Variants in MED13L observed in about 807,000 individuals in gnomAD.
MED13L encodes the protein mediator complex subunit 13L.
In MED13L, 7 loss-of-function variants were observed where a neutral mutation model predicts 220.9. That is an observed-to-expected ratio of 0.03 (90% CI 0.02 to 0.06). The LOEUF (loss-of-function observed/expected upper bound fraction) is 0.06. Ranked by LOEUF, MED13L falls within the 10% of genes least tolerant of loss-of-function variation. The pLI, the probability that MED13L is intolerant of heterozygous loss-of-function variation, is 1.00. For synonymous variants in MED13L, 1,011 were observed against 1,015.2 expected (o/e 1.00, Z 0.08); for missense variants, 1,965 against 2,760.5 (o/e 0.71, Z 6.46).
At chr12:116,149,709 T>C (rs777270058) in intron 2 of MED13L, among the ~76,000 whole-genome samples, 1 of 152,158 alleles carries the variant, frequency 6.6e-6, no homozygotes, top group East Asian at 1.9e-4. Flanking sequence ...AAGACGCTGA[T>C]ACAGATGACC....
At chr12:116,175,377 C>A (rs1030100277) in intron 2 of MED13L, among the ~76,000 whole-genome samples, 7 of 151,994 alleles carry the variant, frequency 4.6e-5, no homozygotes, top group Non-Finnish European at 1.0e-4. Flanking sequence ...CTTCCCTGAC[C>A]CTAAAAACAT....
rs1875598407 is a variant in MED13L, at chr12:115,959,095, AATGCATATTTAAGGGAAATATT to A, written c.*2149_*2170del. 1 of 152,616 alleles carries A rather than the reference AATGCATATTTAAGGGAAATATT, an allele frequency of 6.6e-6. No individual in the cohort carries two copies. The highest frequency in any genetic ancestry group is 1.5e-5 in the Non-Finnish European group (1 of 68,028). 9.5% of individuals were successfully genotyped at this position (152,616 alleles called of 1,614,324 possible). ...TCAGTAAAAAACTCACAAGTAAAAT[AATGCATATTTAAGGGAAATATT>A]ATACAGACTTTTTCACACAGAAGTA... On this transcript the variant is annotated 3_prime_UTR_variant, in exon 31 of 31. Transcript: ENST00000281928.
intron 2 of MED13L, among the ~76,000 whole-genome samples, chr12:116,130,978 A>G (rs1040992818): frequency 6.6e-6 from 1 of 152,236 alleles, no homozygotes; most frequent in Admixed American, 6.5e-5. Context: ...GCTTTGAACA[A>G]TGTATGTTTT....
intron 1 of MED13L, among the ~76,000 whole-genome samples, chr12:116,256,368 T>TA (rs1319932296): frequency 4.6e-5 from 7 of 151,732 alleles, no homozygotes; most frequent in African/African-American, 1.7e-4. Flanking sequence ...TTCCATTTAT[T>TA]AAAAATTCTA....
intron 2 of MED13L, among the ~76,000 whole-genome samples, chr12:116,187,871 CTTTTAT>C (rs1565919177): frequency 2.8e-5 from 4 of 144,800 alleles, no homozygotes; most frequent in African/African-American, 1.0e-4. Context: ...TTTTCTTTTT[CTTTTAT>C]AAGTTAAAAA....
intron 2 of MED13L, among the ~76,000 whole-genome samples, chr12:116,223,445 C>T (rs1172263726): frequency 2.0e-5 from 3 of 152,134 alleles, no homozygotes; most frequent in African/African-American, 4.8e-5. Context: ...CGATGGATCA[C>T]GCTTGTAATC....
chr12:115,966,017 C>A, intron 29 of MED13L, 65 bp downstream of exon 29: 1 of 1,579,548 alleles, frequency 6.3e-7, no homozygotes, highest in Non-Finnish European at 8.7e-7. Flanking sequence ...AAATTTCTAA[C>A]CAAAATTAAA....
At chr12:116,218,562 C>G (rs201764167) in intron 2 of MED13L, among the ~76,000 whole-genome samples, 1 of 151,670 alleles carries the variant, frequency 6.6e-6, no homozygotes, top group Non-Finnish European at 1.5e-5. Flanking sequence ...TTTTAACCAG[C>G]ATTTTTTTTT....
chr12:116,093,560 C>A (rs889135858), intron 4 of MED13L, among the ~76,000 whole-genome samples: 2 of 151,852 alleles, frequency 1.3e-5, no homozygotes, highest in Non-Finnish European at 2.9e-5. Context: ...TGCTATTATT[C>A]TAACAGGGAG....
chr12:116,248,169 GT>G (rs1174802371), intron 1 of MED13L, among the ~76,000 whole-genome samples: 7 of 152,182 alleles, frequency 4.6e-5, no homozygotes, highest in Non-Finnish European at 1.0e-4. Flanking sequence ...ATAAAGCCAT[GT>G]GATAAAAATA....
chr12:115,984,596 A>G (rs887738568), intron 19 of MED13L, among the ~76,000 whole-genome samples: 8 of 147,232 alleles, frequency 5.4e-5, no homozygotes, highest in Non-Finnish European at 1.2e-4. Flanking sequence ...TAGGCTCTCT[A>G]AAAAAAAAAA....
At chr12:116,085,742 G>A (rs1223416640) in intron 4 of MED13L, among the ~76,000 whole-genome samples, 1 of 122,370 alleles carries the variant, frequency 8.2e-6, no homozygotes, top group Non-Finnish European at 1.7e-5. Flanking sequence ...TTCAAGAGAA[G>A]ATTAAAATCA....
At chr12:116,102,290 C>T (rs1222346635) in intron 3 of MED13L, among the ~76,000 whole-genome samples, 1 of 152,166 alleles carries the variant, frequency 6.6e-6, no homozygotes, top group Non-Finnish European at 1.5e-5. Context: ...ACAAATGTCA[C>T]CAGAGCAGCC....
At position 115,970,903 on chromosome 12, in the gene MED13L, T is replaced by C. The variant is rs553339397; in HGVS notation, c.5891-133A>G. Reference sequence around the variant, plus strand: ...AATACACATTCAAAATTGAGTCCAATTGTTTAAATATCTTCAAAGAAACTG... The same window carrying C: ...AATACACATTCAAAATTGAGTCCAACTGTTTAAATATCTTCAAAGAAACTG... On this transcript the variant is annotated intron_variant, in intron 26 of 30. Transcript: ENST00000281928. 5.8e-6 allele frequency: 5 copies of C among 859,042 alleles called. No homozygotes were observed. In the East Asian group the frequency reaches 1.1e-4, roughly 18 times the overall value. The allele number at this position is 859,042 out of a possible 1,614,324, so 53.2% of individuals were successfully genotyped here. A position where few individuals can be genotyped will look rare whatever the true frequency, so the allele number is the denominator to read the frequency against.
chr12:116,030,288 T>C (rs1389399756), intron 4 of MED13L, among the ~76,000 whole-genome samples: 1 of 152,200 alleles, frequency 6.6e-6, no homozygotes, highest in Non-Finnish European at 1.5e-5. Context: ...CAGTTTTTTT[T>C]TTAAAGGTTA....
intron 2 of MED13L, chr12:116,174,476 GT>G (rs1221687883): frequency 6.7e-6 from 1 of 149,462 alleles, no homozygotes; most frequent in Non-Finnish European, 1.5e-5. Flanking sequence ...TTACAAACTC[GT>G]TTTTGTTTTG....
chr12:116,034,232 T>C (rs1317596535), intron 4 of MED13L, among the ~76,000 whole-genome samples: 2 of 152,104 alleles, frequency 1.3e-5, no homozygotes, highest in Non-Finnish European at 2.9e-5. Flanking sequence ...AGGAATCATA[T>C]TTTACCTATC....
intron 2 of MED13L, among the ~76,000 whole-genome samples, chr12:116,204,476 C>G (rs1882193276): frequency 6.6e-6 from 1 of 152,210 alleles, no homozygotes; most frequent in South Asian, 2.1e-4. Flanking sequence ...GCAATTCTTA[C>G]AACAATCCTA....
chr12:116,243,251 G>A (rs961018121), intron 1 of MED13L, among the ~76,000 whole-genome samples: 1 of 152,080 alleles, frequency 6.6e-6, no homozygotes, highest in Non-Finnish European at 1.5e-5. Context: ...GGGTAGTCAG[G>A]GTTCTCAGAA....
Sources: allele counts gnomAD v4.1 joint callset (sites outside exome capture counted in the v4.1 genomes callset), GRCh38; gene constraint gnomAD v4.1.1; transcripts MANE v1.5; gene names NCBI Gene and HGNC (gene_info 2026-07-23, HGNC 2026-07-21).